The following ASPSCR1 variants were observed in gnomAD, a reference collection of about 807,000 sequenced individuals.
ASPSCR1 encodes tether containing UBX domain for GLUT4.
Under a neutral mutation model 68.9 loss-of-function variants are expected in ASPSCR1, and 55 were observed. The observed-to-expected ratio is 0.80, with a 90% CI of 0.64 to 1.00. The LOEUF (loss-of-function observed/expected upper bound fraction) is 1.00, where lower values mean the gene tolerates loss of function less well. Ranked by LOEUF, ASPSCR1 falls within the 50% of genes least tolerant of loss-of-function variation. The pLI is 0.00. For missense variants in ASPSCR1, 765 were observed against 762.2 expected, an observed-to-expected ratio of 1.00 and a Z score of -0.04; for synonymous variants, 352 against 332.6, an observed-to-expected ratio of 1.06 and a Z score of -0.63.
chr17:82,012,317 G>A (rs779528690), intron 12 of ASPSCR1, 34 bp downstream of exon 12: 56 of 1,605,486 alleles, frequency 3.5e-5, no homozygotes, highest in Middle Eastern at 1.7e-4. Flanking sequence ...GCTGCGGGGC[G>A]GGGCCCTCCA....
chr17:82,003,138 G>A (rs938237424), intron 7 of ASPSCR1, among the ~76,000 whole-genome samples: 6 of 150,798 alleles, frequency 4.0e-5, no homozygotes, highest in Non-Finnish European at 7.4e-5. Flanking sequence ...GTGAGCCACC[G>A]TGCCCAGCCT....
rs534066494 is a variant in ASPSCR1, at chr17:82,004,635, C to A, written c.934-4402C>A. On this transcript the variant is annotated intron_variant, in intron 7 of 15. Coordinates refer to ENST00000306739, the MANE Select transcript of ASPSCR1 (RefSeq NM_024083.4). ...CATGTGGCAGCCACAGGCACCCCCA[C>A]CCTGTGGCGCATTTTGAGCTTCTGG... 354 of 152,356 alleles carry A rather than the reference C, an allele frequency of 2.3e-3. 2 individuals carry two copies. Among genetic ancestry groups the A allele is most frequent in the Middle Eastern group, 0.017 (5 of 296 alleles). 9.4% of individuals were successfully genotyped at this position (152,356 alleles called of 1,614,324 possible). A position where few individuals can be genotyped will look rare whatever the true frequency, so the allele number is the denominator to read the frequency against.
At chr17:82,008,953 C>T in intron 7 of ASPSCR1, 84 bp from the exon 8 acceptor site, 1 of 1,413,852 alleles carries the variant, frequency 7.1e-7, no homozygotes, top group Non-Finnish European at 9.2e-7. Flanking sequence ...GTCTGTGTGA[C>T]CACCTCGGCT....
chr17:82,006,149 C>T, intron 7 of ASPSCR1: 1 of 141,332 alleles, frequency 7.1e-6, no homozygotes, highest in Non-Finnish European at 1.5e-5. Context: ...GGTGTGTGTG[C>T]ATGTCCTTGT....
chr17:81,995,904 G>T, intron 5 of ASPSCR1, 88 bp from the exon 6 acceptor site: 1 of 1,321,512 alleles, frequency 7.6e-7, no homozygotes, highest in Non-Finnish European at 1.1e-6. Flanking sequence ...CGTGGCCTGT[G>T]GTCCTGGTGG....
intron 4 of ASPSCR1, among the ~76,000 whole-genome samples, 155 bp downstream of exon 4, chr17:81,985,762 G>A (rs761508654): frequency 1.3e-5 from 2 of 152,190 alleles, no homozygotes; most frequent in Non-Finnish European, 2.9e-5. Flanking sequence ...GGGGTGTGTG[G>A]GCTGCCGGTT....
intron 9 of ASPSCR1, chr17:82,010,084 G>GT (rs768673621): frequency 6.4e-5 from 16 of 251,456 alleles, no homozygotes; most frequent in Admixed American, 2.6e-4. Context: ...GCTAATTTTT[G>GT]TTGTTTTTTT....
chr17:81,985,000 CCACACACCTG>C (rs1414329107), intron 3 of ASPSCR1, among the ~76,000 whole-genome samples: 2 of 122,252 alleles, frequency 1.6e-5, no homozygotes, highest in East Asian at 4.9e-4. Context: ...GCACACCCCC[CCACACACCTG>C]CACACACCGC....
intron 13 of ASPSCR1, 78 bp downstream of exon 13, chr17:82,016,605 G>T: frequency 6.5e-7 from 1 of 1,534,820 alleles, no homozygotes; most frequent in Non-Finnish European, 8.8e-7. Flanking sequence ...GCCCGGGAGG[G>T]CGTTCGGTCT....
At chr17:82,016,702 A>T in intron 13 of ASPSCR1, 98 bp from the exon 14 acceptor site, 1 of 1,477,570 alleles carries the variant, frequency 6.8e-7, no homozygotes, top group South Asian at 1.2e-5. Context: ...CCTGCTGGCC[A>T]CCCCCCTCCC....
rs1246240927 is a variant in ASPSCR1 at position 81,986,740 on chromosome 17, C to T, written c.374+1133C>T. Among the ~76,000 whole-genome samples, 3 of 152,230 alleles carry T rather than the reference C, an allele frequency of 2.0e-5. No individual in the cohort carries two copies. The highest frequency in any genetic ancestry group is 1.9e-4 in the East Asian group (1 of 5,184). On this transcript the variant is annotated intron_variant, in intron 4 of 15. Transcript: ENST00000306739. The surrounding 1 kb of genome is among the most constrained non-coding windows in gnomAD (Gnocchi z 5.2). ...CATAGGGCCTGTGGGAAGGTGACCG[C>T]GCGTCGGGCGCTGGGAAGGTGACTG...
At chr17:81,988,454 C>CAAAAAAA (rs1231233227) in intron 4 of ASPSCR1, among the ~76,000 whole-genome samples, 1 of 71,018 alleles carries the variant, frequency 1.4e-5, no homozygotes, top group Non-Finnish European at 2.9e-5. Context: ...GACTCCGTCT[C>CAAAAAAA]AAAAAAAAAA....
chr17:82,015,112 G>A lies in ASPSCR1; in HGVS notation c.1354-1364G>A, dbSNP rs767595442. The A allele has an allele frequency of 2.5e-6, 4 of 1,598,078 alleles. No homozygotes were observed. The South Asian group carries it at 4.4e-5, about 18-fold the overall frequency. On this transcript the variant is annotated intron_variant, in intron 12 of 15. Coordinates refer to ENST00000306739, the MANE Select transcript of ASPSCR1 (RefSeq NM_024083.4). Reference sequence around the variant, plus strand: ...GACCGGGTGGCTCCATTCACCCTGGGTCCCTCGCTGAAACGGTGCCTGGGA... The same window carrying A: ...GACCGGGTGGCTCCATTCACCCTGGATCCCTCGCTGAAACGGTGCCTGGGA...
intron 7 of ASPSCR1, among the ~76,000 whole-genome samples, chr17:82,000,082 G>A (rs912517446): frequency 6.6e-6 from 1 of 152,228 alleles, no homozygotes; most frequent in East Asian, 1.9e-4. Context: ...CGTGCCCCTC[G>A]ACCCGTGTGC....
At chr17:81,996,098 AT>A in intron 6 of ASPSCR1, 33 bp downstream of exon 6, 1 of 1,550,172 alleles carries the variant, frequency 6.5e-7, no homozygotes, top group South Asian at 1.2e-5. Flanking sequence ...CGAGGAGTCT[AT>A]TTAGCTAAAA....
At chr17:82,009,931 G>A (rs1309570051) in intron 9 of ASPSCR1, 1 of 237,972 alleles carries the variant, frequency 4.2e-6, no homozygotes, top group Non-Finnish European at 8.5e-6. Context: ...TTTTTTTTGA[G>A]ACGGAGTCTC....
intron 13 of ASPSCR1, 88 bp downstream of exon 13, chr17:82,016,615 TG>T: frequency 6.6e-7 from 1 of 1,518,626 alleles, no homozygotes. Context: ...GCGTTCGGTC[TG>T]GGGCCTCCTT....
intron 7 of ASPSCR1, chr17:82,004,352 C>T (rs961796583): frequency 2.0e-5 from 3 of 152,170 alleles, no homozygotes; most frequent in Non-Finnish European, 4.4e-5. Context: ...AGTTTCGGGG[C>T]ATCTGGATAA....
chr17:81,985,687 C>A, intron 4 of ASPSCR1, 80 bp downstream of exon 4: 1 of 1,410,650 alleles, frequency 7.1e-7, no homozygotes, highest in Non-Finnish European at 9.9e-7. Context: ...TGGTTCAGAG[C>A]TGGACACCCA....
Sources: allele counts gnomAD v4.1 joint callset (sites outside exome capture counted in the v4.1 genomes callset), GRCh38; gene constraint gnomAD v4.1.1; non-coding constraint Gnocchi (gnomAD v3.1); transcripts MANE v1.5; gene names NCBI Gene and HGNC (gene_info 2026-07-23, HGNC 2026-07-21).